The following PLXNB2 variants were observed in gnomAD, a reference collection of about 807,000 sequenced individuals.
The protein encoded by PLXNB2 is plexin B2, also known as plexin-B2.
PLXNB2 carries 85 observed loss-of-function variants against 202.6 expected under a neutral mutation model. The ratio of observed to expected loss-of-function variants is 0.42; its 90% confidence interval spans 0.35 to 0.50. The LOEUF (loss-of-function observed/expected upper bound fraction) is 0.50, where lower values mean the gene tolerates loss of function less well. Ranked by LOEUF, PLXNB2 falls within the 20% of genes least tolerant of loss-of-function variation. PLXNB2 has a pLI of 0.02. For missense variants in PLXNB2, 2,063 were observed against 2,586.2 expected, an observed-to-expected ratio of 0.80 and a Z score of 4.39; for synonymous variants, 1,239 against 1,137.6, an observed-to-expected ratio of 1.09 and a Z score of -1.79.
At chr22:50,279,364 T>A (rs1197372578) in intron 27 of PLXNB2, among the ~76,000 whole-genome samples, 1 of 152,192 alleles carries the variant, frequency 6.6e-6, no homozygotes, top group African/African-American at 2.4e-5. Context: ...TGGACACACC[T>A]GGTGTGCCAG....
chr22:50,293,212 G>T (rs756373165), intron 2 of PLXNB2, among the ~76,000 whole-genome samples: 2 of 152,208 alleles, frequency 1.3e-5, no homozygotes, highest in Non-Finnish European at 2.9e-5. Flanking sequence ...CTCAGCCAGG[G>T]TCCCCCGCTG....
intron 1 of PLXNB2, among the ~76,000 whole-genome samples, chr22:50,303,573 T>C (rs932473341): frequency 6.6e-6 from 1 of 152,242 alleles, no homozygotes; most frequent in Non-Finnish European, 1.5e-5. Context: ...CAGGGGGCCG[T>C]GTTCACACAG....
rs557352596 is a variant in PLXNB2 at position 50,275,204 on chromosome 22, C to A, written c.*500G>T. 1.2e-5 allele frequency: 4 copies of A among 330,258 alleles called. No individual in the cohort carries two copies. Among genetic ancestry groups the A allele is most frequent in the Non-Finnish European group, 2.4e-5 (4 of 166,936 alleles). The allele number at this position is 330,258 out of a possible 1,614,324, so 20.5% of individuals were successfully genotyped here. A position where few individuals can be genotyped will look rare whatever the true frequency, so the allele number is the denominator to read the frequency against. Reference sequence around the variant, plus strand: ...GCAGCCGTGAGTCCACCCAGAGTGCCGGCACCCTTGGGGAGGCCGGTGAGG... The same window carrying A: ...GCAGCCGTGAGTCCACCCAGAGTGCAGGCACCCTTGGGGAGGCCGGTGAGG... On this transcript the variant is annotated 3_prime_UTR_variant, in exon 37 of 37. Transcript: ENST00000359337.
In PLXNB2 at chr22:50,289,024, G is replaced by C; in HGVS notation, c.1187C>G (p.Thr396Arg). The C allele has an allele frequency of 6.2e-7, 1 of 1,610,160 alleles. No homozygotes were observed. Among genetic ancestry groups the C allele is most frequent in the Non-Finnish European group, 8.5e-7 (1 of 1,178,314 alleles). Residue 396 changes from threonine (T) to arginine (R), a missense_variant, in exon 4 of 37, where the codon ACG becomes AGG. By Grantham distance (71) the Thr-to-Arg change is moderately conservative. Around this residue, in one of 2 missense-constraint regions of PLXNB2, gnomAD observed 1,303 missense variants for 1,476.8 expected, o/e 0.88. Coordinates refer to ENST00000359337, the MANE Select transcript of PLXNB2 (RefSeq NM_012401.4). The surrounding 1 kb of genome is among the most constrained non-coding windows in gnomAD (Gnocchi z 8.0). The part of the protein sequence containing the change: ...QRGGLNLTAV[T>R]VAAENNHTVA... ...AGTGTGGTTGTTCTCGGCGGCGACC[G>C]TCACGGCCGTGAGGTTCAGGCCTCC...
At position 50,289,392 on chromosome 22, in the gene PLXNB2, C is replaced by T. The variant is rs989606249; in HGVS notation, c.1068+125G>A. 173 of 1,265,736 alleles carry T rather than the reference C, an allele frequency of 1.4e-4. No homozygotes were observed. The highest frequency in any genetic ancestry group is 1.7e-4 in the Non-Finnish European group (158 of 940,970). The allele number at this position is 1,265,736 out of a possible 1,614,324, so 78.4% of individuals were successfully genotyped here. ...GAGATGCGGCACCCACCCACGCAAG[C>T]GCCCAGGCTGGCGAGAGCCACGGCC... is the stretch of plus-strand genomic sequence containing the variant. On this transcript the variant is annotated intron_variant, in intron 3 of 36. Transcript: ENST00000359337. This position sits in a 1 kb window ranked among gnomAD's most constrained non-coding sequence, Gnocchi z 8.0.
chr22:50,299,154 C>T (rs1298115604), intron 1 of PLXNB2, among the ~76,000 whole-genome samples: 1 of 152,204 alleles, frequency 6.6e-6, no homozygotes, highest in Non-Finnish European at 1.5e-5. Flanking sequence ...CCATGAAGAA[C>T]GAGGAGAGCT....
At chr22:50,293,291 G>A (rs952409349) in intron 2 of PLXNB2, among the ~76,000 whole-genome samples, 19 of 152,156 alleles carry the variant, frequency 1.2e-4, no homozygotes, top group African/African-American at 3.9e-4. Context: ...GGAGAGGCCC[G>A]TAGGCTACAG....
chr22:50,306,842 G>A (rs2147743297), intron 1 of PLXNB2, among the ~76,000 whole-genome samples: 1 of 152,346 alleles, frequency 6.6e-6, no homozygotes, highest in South Asian at 2.1e-4. Context: ...GCCCCAGGGC[G>A]TCCGGGCTCT....
Position 50,307,597 on chromosome 22 carries a change from G to A in PLXNB2, c.-118C>T, listed in dbSNP as rs974698274. On this transcript the variant is annotated 5_prime_UTR_variant, in exon 1 of 37. An upstream open reading frame in the 5' UTR gains an earlier in-frame stop. Coordinates refer to ENST00000359337, the MANE Select transcript of PLXNB2 (RefSeq NM_012401.4). ...GCTCGATGGCGCCCGGGCCGCGCTC[G>A]GCGCTGCGCTCTGGCCCGCGCTGCT... The A allele has an allele frequency of 1.5e-5, 15 of 982,144 alleles. No homozygotes were observed. Among genetic ancestry groups the A allele is most frequent in the Admixed American group, 6.2e-5 (1 of 16,022 alleles). 60.8% of individuals were successfully genotyped at this position (982,144 alleles called of 1,614,324 possible). A position where few individuals can be genotyped will look rare whatever the true frequency, so the allele number is the denominator to read the frequency against.
In PLXNB2 at chr22:50,280,891, G is replaced by A. The variant is rs1289883303; in HGVS notation, c.3846C>T (p.Asp1282=). 6.2e-7 allele frequency: 1 copy of A among 1,613,574 alleles called. No homozygotes were observed. The highest frequency in any genetic ancestry group is 1.1e-5 in the South Asian group (1 of 91,086). Residue 1282 remains aspartate, a synonymous_variant, in exon 24 of 37, where the codon GAC becomes GAT. Coordinates refer to ENST00000359337, the MANE Select transcript of PLXNB2 (RefSeq NM_012401.4). The part of the protein sequence containing the change: ...IPVLDYKTYT[D]RVFFLPSKDG... ...CCTTGGAGGGCAGGAAGAAGACGCG[G>A]TCGGTGTAGGTCTTGTAGTCCAGCA... is the stretch of plus-strand genomic sequence containing the variant.
Position 50,288,664 on chromosome 22 carries a change from A to C in PLXNB2, c.1380+79T>G. 6.4e-7 allele frequency: 1 copy of C among 1,569,260 alleles called. No individual in the cohort carries two copies. The highest frequency in any genetic ancestry group is 8.7e-7 in the Non-Finnish European group (1 of 1,155,800). The stretch of plus-strand genomic sequence containing the variant: ...AGCACCCCATCCTCCTCTGGCCCCC[A>C]GGCCTGTCCTAAGGGCCTGGGATGC... On this transcript the variant is annotated intron_variant, in intron 5 of 36. Coordinates refer to ENST00000359337, the MANE Select transcript of PLXNB2 (RefSeq NM_012401.4). This position sits in a 1 kb window ranked among gnomAD's most constrained non-coding sequence, Gnocchi z 5.0.
intron 25 of PLXNB2, among the ~76,000 whole-genome samples, 178 bp from the exon 26 acceptor site, chr22:50,280,249 C>T (rs2065893585): frequency 6.6e-6 from 1 of 152,228 alleles, no homozygotes; most frequent in Non-Finnish European, 1.5e-5. Flanking sequence ...TGCCACCTTC[C>T]TTCTGTTCTG....
chr22:50,283,427 C>T lies in PLXNB2; in HGVS notation c.2589G>A (p.Glu863=), dbSNP rs1241152154. ...SVSTRIVCVI[E]AAETPFTGGV... ...CCCCCGTGAAAGGCGTCTCCGCAGC[C>T]TCGATCACACACACGATCCTGGCGG... Residue 863 remains glutamate, a synonymous_variant, in exon 16 of 37, where the codon GAG becomes GAA. Coordinates refer to ENST00000359337, the MANE Select transcript of PLXNB2 (RefSeq NM_012401.4). 5.0e-6 allele frequency: 8 copies of T among 1,613,036 alleles called. No homozygotes were observed. Among genetic ancestry groups the T allele is most frequent in the Admixed American group, 1.7e-5 (1 of 59,994 alleles).
intron 1 of PLXNB2, among the ~76,000 whole-genome samples, chr22:50,304,389 AG>A (rs1220619994): frequency 6.6e-6 from 1 of 152,150 alleles, no homozygotes; most frequent in East Asian, 1.9e-4. Flanking sequence ...CTTGGTCTTC[AG>A]AGAGAAGGCT....
chr22:50,288,836 G>A lies in PLXNB2; in HGVS notation c.1287C>T (p.Tyr429=), dbSNP rs758520961. The A allele has an allele frequency of 3.2e-5, 52 of 1,613,290 alleles. No individual in the cohort carries two copies. Among genetic ancestry groups the A allele is most frequent in the Middle Eastern group, 1.6e-4 (1 of 6,084 alleles). The change falls in exon 5 of 37, where the codon TAC becomes TAT. Residue 429 remains tyrosine (Y), a synonymous_variant. Coordinates refer to ENST00000359337, the MANE Select transcript of PLXNB2 (RefSeq NM_012401.4). This position sits in a 1 kb window ranked among gnomAD's most constrained non-coding sequence, Gnocchi z 5.0. ...TGTTTATCTCCACAAGGATAGAGTCGTACTCTGAGGAGGTGCCATCTGGGG... is the reference window on the plus strand; with the variant it reads ...TGTTTATCTCCACAAGGATAGAGTCATACTCTGAGGAGGTGCCATCTGGGG... The part of the protein sequence containing the change: ...YLTPDGTSSE[Y]DSILVEINKR...
chr22:50,290,563 G>A lies in PLXNB2; in HGVS notation c.22C>T (p.Leu8=). 3 of 1,609,746 alleles carry A rather than the reference G, an allele frequency of 1.9e-6. No individual in the cohort carries two copies. The highest frequency in any genetic ancestry group is 1.7e-6 in the Non-Finnish European group (2 of 1,179,390). MALQLWA[L]TLLGLLGAGA... ...GCGCCCAGCAGGCCCAGCAGGGTCA[G>A]GGCCCAGAGCTGCAGTGCCATTGCC... The change falls in exon 3 of 37, where the codon CTG becomes TTG. Residue 8 remains leucine (L), a synonymous_variant. Coordinates refer to ENST00000359337, the MANE Select transcript of PLXNB2 (RefSeq NM_012401.4).
rs779560848 is a variant in PLXNB2, at chr22:50,283,706, G to A, written c.2466C>T (p.Thr822=). The A allele has an allele frequency of 1.3e-5, 21 of 1,612,968 alleles. 1 individual carries two copies. Among genetic ancestry groups the A allele is most frequent in the South Asian group, 9.9e-5 (9 of 91,062 alleles). The change falls in exon 15 of 37, where the codon ACC becomes ACT. Residue 822 remains threonine (T), a synonymous_variant. Coordinates refer to ENST00000359337, the MANE Select transcript of PLXNB2 (RefSeq NM_012401.4). ...TGPLGGGIRI[T]ILGSNLGVQA... is the part of the protein sequence containing the mutation. ...GGACGCCCAAATTGGACCCCAGGAT[G>A]GTGATGCGGATGCCCCCACCCAGGG... is the stretch of plus-strand genomic sequence containing the variant.
In PLXNB2 at chr22:50,284,303, G is replaced by A. The variant is rs1425642402; in HGVS notation, c.2182-90C>T. ...CAAGGGCAGCCTCCCTGTGGCCACC[G>A]GGTCCCTTCCCAGCCAAGGGCAGCA... On this transcript the variant is annotated intron_variant, in intron 12 of 36. Transcript: ENST00000359337. This position sits in a 1 kb window ranked among gnomAD's most constrained non-coding sequence, Gnocchi z 8.0. 46 of 1,256,756 alleles carry A rather than the reference G, an allele frequency of 3.7e-5. No homozygotes were observed. The highest frequency in any genetic ancestry group is 3.8e-4 in the Middle Eastern group (2 of 5,224). 77.9% of individuals were successfully genotyped at this position (1,256,756 alleles called of 1,614,324 possible).
At chr22:50,298,881 G>A (rs1304044248) in intron 1 of PLXNB2, among the ~76,000 whole-genome samples, 1 of 152,222 alleles carries the variant, frequency 6.6e-6, no homozygotes, top group Non-Finnish European at 1.5e-5. Context: ...CCTGAGCTCA[G>A]GCAATCCACC....
Sources: gnomAD v4.1 joint callset for allele counts (sites outside exome capture counted in the v4.1 genomes callset) on GRCh38, gnomAD v4.1.1 for gene constraint, gnomAD v4.1.1 regional missense constraint, Gnocchi (gnomAD v3.1) non-coding constraint, MANE v1.5 for transcripts, NCBI Gene and HGNC (gene_info 2026-07-23, HGNC 2026-07-21) for gene names.